ERBB4: variants seen among roughly 807,000 people sequenced by gnomAD.
ERBB4 encodes the protein erb-b2 receptor tyrosine kinase 4.
In ERBB4, 42 loss-of-function variants were observed where a neutral mutation model predicts 158.0. That is an observed-to-expected ratio of 0.27 (90% CI 0.21 to 0.34). The LOEUF (loss-of-function observed/expected upper bound fraction) is 0.34, where lower values mean the gene tolerates loss of function less well. ERBB4 is among the 10% of genes least tolerant of loss of function. The probability of loss-of-function intolerance (pLI) is 1.00; values close to 1 mark genes in which losing one functional copy is unlikely to be tolerated. For synonymous variants in ERBB4, 583 were observed against 558.7 expected (o/e 1.04, Z -0.61); for missense variants, 1,333 against 1,624.1 (o/e 0.82, Z 3.08).
At chr2:211,444,565 A>G (rs1000432119) in intron 20 of ERBB4, among the ~76,000 whole-genome samples, 5 of 152,094 alleles carry the variant, frequency 3.3e-5, no homozygotes, top group Admixed American at 2.6e-4. Context: ...AGGTATGCAT[A>G]TTCCATTAGA....
intron 2 of ERBB4, among the ~76,000 whole-genome samples, chr2:211,987,509 G>A (rs2125245498): frequency 6.6e-6 from 1 of 151,938 alleles, no homozygotes; most frequent in Non-Finnish European, 1.5e-5. Flanking sequence ...AAAAAGGAAG[G>A]GAACATAGGA....
intron 2 of ERBB4, among the ~76,000 whole-genome samples, chr2:211,980,589 C>T (rs16847406): frequency 0.084 from 12,778 of 152,116 alleles, 616 homozygotes; most frequent in African/African-American, 0.13. Context: ...TTGAGCATGC[C>T]TCCCTGATAT....
intron 1 of ERBB4, among the ~76,000 whole-genome samples, chr2:212,340,544 G>T (rs188252496): frequency 1.3e-5 from 2 of 152,148 alleles, no homozygotes; most frequent in African/African-American, 4.8e-5. Flanking sequence ...TTAGATTCTC[G>T]TAAGGAGCAT....
intron 1 of ERBB4, among the ~76,000 whole-genome samples, chr2:212,331,701 C>T (rs2088182819): frequency 6.6e-6 from 1 of 151,944 alleles, no homozygotes; most frequent in South Asian, 2.1e-4. Context: ...TGATAAGAAC[C>T]TTACTCTCTC....
At chr2:211,935,379 G>A (rs1468960164) in intron 3 of ERBB4, among the ~76,000 whole-genome samples, 1 of 152,124 alleles carries the variant, frequency 6.6e-6, no homozygotes, top group East Asian at 1.9e-4. Context: ...ATGCGGGTGG[G>A]CAACAGCCAA....
intron 3 of ERBB4, among the ~76,000 whole-genome samples, chr2:211,918,286 G>A (rs1458269468): frequency 6.6e-6 from 1 of 152,078 alleles, no homozygotes; most frequent in Middle Eastern, 3.2e-3. Context: ...TTTTAGTGAG[G>A]AAATGGGCAA....
intron 1 of ERBB4, among the ~76,000 whole-genome samples, chr2:212,479,734 T>C (rs1574997728): frequency 6.6e-6 from 1 of 152,160 alleles, no homozygotes; most frequent in Admixed American, 6.6e-5. Flanking sequence ...GTGCTGATGA[T>C]AGAAAATGCA....
At chr2:211,979,005 G>A (rs1199316975) in intron 2 of ERBB4, among the ~76,000 whole-genome samples, 2 of 152,120 alleles carry the variant, frequency 1.3e-5, no homozygotes, top group African/African-American at 2.4e-5. Flanking sequence ...AGACAAGAAT[G>A]GATTTCTAGT....
At chr2:211,729,693 G>A (rs894240234) in intron 5 of ERBB4, among the ~76,000 whole-genome samples, 4 of 151,626 alleles carry the variant, frequency 2.6e-5, no homozygotes, top group Admixed American at 6.6e-5. Flanking sequence ...TTATTACAAT[G>A]GGGACACAAA....
chr2:211,772,955 A>ATATATATATATT (rs1553630145), intron 4 of ERBB4, among the ~76,000 whole-genome samples: 2 of 83,302 alleles, frequency 2.4e-5, no homozygotes, highest in African/African-American at 1.1e-4. Flanking sequence ...ATATATATAT[A>ATATATATATATT]TTTTTTTTTT....
intron 1 of ERBB4, among the ~76,000 whole-genome samples, chr2:212,365,848 A>T (rs972532564): frequency 1.3e-5 from 2 of 151,896 alleles, no homozygotes; most frequent in Admixed American, 1.3e-4. Context: ...TACTGAGGAG[A>T]ACAGGTTTCT....
chr2:212,060,185 G>A (rs535898974), intron 2 of ERBB4, among the ~76,000 whole-genome samples: 101 of 152,266 alleles, frequency 6.6e-4, no homozygotes, highest in South Asian at 3.7e-3. Flanking sequence ...AGACATTTAT[G>A]CAGCCAACAG....
intron 17 of ERBB4, among the ~76,000 whole-genome samples, chr2:211,628,645 T>C (rs910446878): frequency 4.1e-4 from 63 of 152,354 alleles, no homozygotes; most frequent in Non-Finnish European, 1.5e-4. Context: ...TGCATGTGTC[T>C]TTATAGCAGC....
intron 1 of ERBB4, among the ~76,000 whole-genome samples, chr2:212,372,760 AAAAAC>A (rs766922263): frequency 2.6e-5 from 4 of 152,184 alleles, no homozygotes; most frequent in African/African-American, 9.6e-5. Flanking sequence ...AAACAAAAAC[AAAAAC>A]AAAACAAAAC....
Position 211,679,156 on chromosome 2 carries a change from C to T in ERBB4, c.1518G>A (p.Leu506=), listed in dbSNP as rs867969249. The T allele has an allele frequency of 5.6e-6, 9 of 1,613,778 alleles. No homozygotes were observed. Among genetic ancestry groups the T allele is most frequent in the South Asian group, 1.1e-5 (1 of 91,072 alleles). Residue 506 remains leucine, a synonymous_variant, in exon 13 of 28, where the codon CTG becomes CTA. Transcript: ENST00000342788. The stretch of plus-strand genomic sequence containing the variant: ...GTCCCCAACAGCCATCACTGGAACA[C>T]AGATGGTTGCACACCATTCCTTCAG... ...CTAEGMVCNH[L]CSSDGCWGPG... is the part of the protein sequence containing the mutation.
chr2:211,621,745 T>A (rs1333465159), intron 18 of ERBB4, among the ~76,000 whole-genome samples: 3 of 152,210 alleles, frequency 2.0e-5, no homozygotes, highest in Non-Finnish European at 4.4e-5. Flanking sequence ...GGAAGTACGT[T>A]ATAATACATT....
intron 1 of ERBB4, among the ~76,000 whole-genome samples, chr2:212,372,327 T>C (rs2090116584): frequency 6.6e-6 from 1 of 152,130 alleles, no homozygotes; most frequent in South Asian, 2.1e-4. Flanking sequence ...CAACGCAAAA[T>C]ATGGAACTAT....
intron 1 of ERBB4, among the ~76,000 whole-genome samples, chr2:212,531,471 T>C (rs1166290264): frequency 6.6e-6 from 1 of 152,144 alleles, no homozygotes; most frequent in Admixed American, 6.5e-5. Flanking sequence ...AGGGCCATGA[T>C]GAAAGAGGAT....
At chr2:211,991,852 GTC>G (rs758613687) in intron 2 of ERBB4, among the ~76,000 whole-genome samples, 2 of 152,148 alleles carry the variant, frequency 1.3e-5, no homozygotes, top group African/African-American at 4.8e-5. Context: ...CTGAGTTGGT[GTC>G]TGTTTTCAGT....
Sources: allele counts gnomAD v4.1 joint callset (sites outside exome capture counted in the v4.1 genomes callset), GRCh38; gene constraint gnomAD v4.1.1; transcripts MANE v1.5; gene names NCBI Gene and HGNC (gene_info 2026-07-23, HGNC 2026-07-21).